IFT27: variants seen among roughly 807,000 people sequenced by gnomAD.
IFT27 encodes the protein intraflagellar transport 27.
IFT27 carries 19 observed loss-of-function variants against 23.9 expected under a neutral mutation model. The ratio of observed to expected loss-of-function variants is 0.79; its 90% CI spans 0.55 to 1.16. The LOEUF (loss-of-function observed/expected upper bound fraction) is 1.16. Ranked by LOEUF, IFT27 falls within the 50% of genes most tolerant of loss-of-function variation. The probability of loss-of-function intolerance (pLI) is 0.00; values close to 1 mark genes in which losing one functional copy is unlikely to be tolerated. For missense variants in IFT27, 206 were observed against 228.7 expected, an observed-to-expected ratio of 0.90 and a Z score of 0.64; for synonymous variants, 91 against 89.1, an observed-to-expected ratio of 1.02 and a Z score of -0.12.
chr22:36,763,942 T>C lies in IFT27; in HGVS notation c.329A>G (p.Gln110Arg), dbSNP rs1938168445. The C allele has an allele frequency of 1.2e-6, 2 of 1,613,334 alleles. No homozygotes were observed. Among genetic ancestry groups the C allele is most frequent in the African/African-American group, 1.3e-5 (1 of 75,028 alleles). Residue 110 changes from glutamine to arginine, a missense_variant, in exon 5 of 7, where the codon CAG becomes CGG. Gln to Arg is a conservative substitution (Grantham distance 43, BLOSUM62 1). Transcript: ENST00000433985. The stretch of plus-strand genomic sequence containing the variant: ...ACCTGGGAGAGAGATGCCTGGAGCC[T>C]GTGACCGAGCCTTCTCCAGCCACTT... ...CSKWLEKARS[Q>R]APGISLPGVL...
In IFT27 at chr22:36,767,805, T is replaced by C. The variant is rs953156224; in HGVS notation, c.92A>G (p.His31Arg). The change falls in exon 2 of 7, where the codon CAT becomes CGT. Residue 31 changes from histidine to arginine, a missense_variant. By Grantham distance (29) the His-to-Arg change is conservative. Coordinates refer to ENST00000433985, the MANE Select transcript of IFT27 (RefSeq NM_001177701.3). ...CACCAGGGTGTAGCTTTTCTGGAAA[T>C]GGGCTCCATCACTGCGGAAGATCTG... ...LAQIFRSDGA[H>R]FQKSYTLTTG... 18 of 1,614,046 alleles carry C rather than the reference T, an allele frequency of 1.1e-5. No individual in the cohort carries two copies. The highest frequency in any genetic ancestry group is 1.4e-5 in the Non-Finnish European group (17 of 1,180,024).
rs370588085 is a variant in IFT27 at position 36,767,445 on chromosome 22, G to A, written c.115-80C>T. On this transcript the variant is annotated intron_variant, in intron 2 of 6. Transcript: ENST00000433985. ...TTACAGGAGGACACACAAGCACCCC[G>A]ATCCCAGGAGGGCTATCTCCAGTGG... 40 of 1,240,236 alleles carry A rather than the reference G, an allele frequency of 3.2e-5. No homozygotes were observed. The East Asian group carries it at 6.8e-4, about 21-fold the overall frequency. 76.8% of individuals were successfully genotyped at this position (1,240,236 alleles called of 1,614,324 possible). A position where few individuals can be genotyped will look rare whatever the true frequency, so the allele number is the denominator to read the frequency against.
chr22:36,764,721 C>A (rs1239205587), intron 4 of IFT27, among the ~76,000 whole-genome samples: 1 of 152,236 alleles, frequency 6.6e-6, no homozygotes, highest in East Asian at 1.9e-4. Context: ...CTGGACAGGG[C>A]TCCATGACCC....
chr22:36,776,107 A>G lies in IFT27; in HGVS notation c.-400T>C, dbSNP rs922008548. On this transcript the variant is annotated 5_prime_UTR_variant, in exon 1 of 7. It removes an upstream start codon present in the reference 5' UTR. Transcript: ENST00000433985. ...GGCCGGATGCACTCTCCAAGCAACC[A>G]TAGCCCACCTGCCCCGCCTCCTCCT... The G allele has an allele frequency of 3.4e-5, 8 of 237,442 alleles. No homozygotes were observed. Among genetic ancestry groups the G allele is most frequent in the Non-Finnish European group, 5.9e-5 (7 of 118,406 alleles). The allele number at this position is 237,442 out of a possible 1,614,324, so 14.7% of individuals were successfully genotyped here.
chr22:36,772,868 T>G (rs1273415669), intron 1 of IFT27: 312 of 537,258 alleles, frequency 5.8e-4, no homozygotes, highest in Middle Eastern at 3.8e-3. Flanking sequence ...GTGGTGGGGG[T>G]GGGTGGACAG....
chr22:36,772,556 G>A, intron 1 of IFT27: 1 of 985,122 alleles, frequency 1.0e-6, no homozygotes, highest in Non-Finnish European at 1.2e-6. Flanking sequence ...AGCTGTGCCT[G>A]GAGGCATTTC....
chr22:36,763,970 T>C lies in IFT27; in HGVS notation c.301A>G (p.Ser101Gly). The C allele has an allele frequency of 6.2e-7, 1 of 1,614,238 alleles. No individual in the cohort carries two copies. The highest frequency in any genetic ancestry group is 8.5e-7 in the Non-Finnish European group (1 of 1,180,024). The change falls in exon 5 of 7, where the codon AGC becomes GGC. Residue 101 changes from serine to glycine, a missense_variant. Coordinates refer to ENST00000433985, the MANE Select transcript of IFT27 (RefSeq NM_001177701.3). ...VTNEESFNNC[S>G]KWLEKARSQA... ...GACCGAGCCTTCTCCAGCCACTTGCTGCAGTTGTTGAAGGATTCTTCATTG... is the reference window on the plus strand; with the variant it reads ...GACCGAGCCTTCTCCAGCCACTTGCCGCAGTTGTTGAAGGATTCTTCATTG...
intron 1 of IFT27, chr22:36,768,185 G>T (rs1938303641): frequency 4.3e-6 from 2 of 461,996 alleles, no homozygotes; most frequent in Admixed American, 2.8e-5. Flanking sequence ...ACGCCCTATG[G>T]GGAAAAGCTG....
chr22:36,770,946 C>T (rs546989769), intron 1 of IFT27, among the ~76,000 whole-genome samples: 2 of 152,314 alleles, frequency 1.3e-5, no homozygotes, highest in South Asian at 2.1e-4. Context: ...AGGCTGGAGT[C>T]GGGGGAGAGG....
At chr22:36,759,339 C>T (rs1220518715) in intron 6 of IFT27, 1 of 152,180 alleles carries the variant, frequency 6.6e-6, no homozygotes, top group Non-Finnish European at 1.5e-5. Flanking sequence ...CAGGGCTGGG[C>T]ACTTTAATAC....
intron 5 of IFT27, chr22:36,763,694 C>A: frequency 3.2e-6 from 2 of 626,756 alleles, no homozygotes; most frequent in South Asian, 1.8e-5. Flanking sequence ...CACAGCCCTG[C>A]CAGGTGCGTG....
chr22:36,766,257 G>T, intron 3 of IFT27, 60 bp from the exon 4 acceptor site: 1 of 1,397,316 alleles, frequency 7.2e-7, no homozygotes, highest in Non-Finnish European at 1.0e-6. Flanking sequence ...ACGAGTCACT[G>T]GTATCACTCT....
chr22:36,775,418 G>A (rs112800518), intron 1 of IFT27, among the ~76,000 whole-genome samples: 300 of 152,170 alleles, frequency 2.0e-3, no homozygotes, highest in African/African-American at 7.1e-3. Context: ...ATTTTTTAAC[G>A]AGTCACCTCA....
chr22:36,763,295 C>T (rs553486646), intron 5 of IFT27: 101 of 364,224 alleles, frequency 2.8e-4, no homozygotes, highest in South Asian at 4.8e-4. Context: ...GGGCTGCAAA[C>T]GCCTGAAGGC....
Position 36,770,762 on chromosome 22 carries a change from G to A in IFT27, c.35-2900C>T, listed in dbSNP as rs1938369585. ...GCTGAGTCTCAGCCCACCTCTGCTC[G>A]GCCCTCCCTGCTGACCCTGCCCCAG... On this transcript the variant is annotated intron_variant, in intron 1 of 6. Transcript: ENST00000433985. Among the ~76,000 whole-genome samples the A allele has an allele frequency of 2.0e-5, 3 of 151,956 alleles. No homozygotes were observed. The South Asian group carries it at 6.2e-4, about 32-fold the overall frequency.
rs748386661 is a variant in IFT27 at position 36,763,932 on chromosome 22, G to C, written c.339C>G (p.Gly113=). The C allele has an allele frequency of 2.5e-6, 4 of 1,611,636 alleles. No individual in the cohort carries two copies. Among genetic ancestry groups the C allele is most frequent in the Non-Finnish European group, 2.5e-6 (3 of 1,177,762 alleles). Residue 113 remains glycine (G), a synonymous_variant, in exon 5 of 7, where the codon GGC becomes GGG. Transcript: ENST00000433985. The stretch of plus-strand genomic sequence containing the variant: ...TGCAGCCCGTACCTGGGAGAGAGAT[G>C]CCTGGAGCCTGTGACCGAGCCTTCT... The part of the protein sequence containing the change: ...WLEKARSQAP[G]ISLPGVLVGN...
At chr22:36,761,450 A>T (rs1477346065) in intron 6 of IFT27, 3 of 152,226 alleles carry the variant, frequency 2.0e-5, no homozygotes, top group Admixed American at 2.0e-4. Flanking sequence ...ACCAGAGGCA[A>T]GGGTGATATT....
At chr22:36,775,590 T>C in intron 1 of IFT27, 84 bp downstream of exon 1, 1 of 1,450,950 alleles carries the variant, frequency 6.9e-7, no homozygotes, top group Non-Finnish European at 9.7e-7. Context: ...GGTAGGCAAT[T>C]TAGGTGAACA....
intron 1 of IFT27, chr22:36,768,454 A>G (rs1279499318): frequency 1.4e-5 from 3 of 208,358 alleles, no homozygotes; most frequent in African/African-American, 4.7e-5. Flanking sequence ...CTGTGACCCA[A>G]GGATTCTTCT....
Sources: allele counts gnomAD v4.1 joint callset (sites outside exome capture counted in the v4.1 genomes callset), GRCh38; gene constraint gnomAD v4.1.1; transcripts MANE v1.5; gene names NCBI Gene and HGNC (gene_info 2026-07-23, HGNC 2026-07-21).